APBA1: variants seen among roughly 807,000 people sequenced by gnomAD.
APBA1 encodes the protein amyloid beta precursor protein binding family A member 1.
In APBA1, 55 loss-of-function variants were observed where a neutral mutation model predicts 86.6. The ratio of observed to expected loss-of-function variants is 0.64; its 90% CI spans 0.51 to 0.80. The LOEUF (loss-of-function observed/expected upper bound fraction) is 0.80, where lower values mean the gene tolerates loss of function less well. Ranked by LOEUF, APBA1 falls within the 30% of genes least tolerant of loss-of-function variation. The pLI is 0.00. For missense variants in APBA1, 1,090 were observed against 1,183.0 expected (o/e 0.92, Z 1.15); for synonymous variants, 511 against 493.9 (o/e 1.03, Z -0.46).
chr9:69,604,761 C>T (rs73647261), intron 1 of APBA1, among the ~76,000 whole-genome samples: 12,941 of 104,334 alleles, frequency 0.12, 1,312 homozygotes, highest in African/African-American at 0.3. Flanking sequence ...TGAGGGTAAG[C>T]GGAGAAGCAC....
At chr9:69,470,265 T>C (rs1287246748) in intron 4 of APBA1, among the ~76,000 whole-genome samples, 1 of 152,298 alleles carries the variant, frequency 6.6e-6, no homozygotes, top group Non-Finnish European at 1.5e-5. Flanking sequence ...TCTTACAAAG[T>C]TAAAAAAAAT....
Position 69,657,988 on chromosome 9 carries a change from T to C in APBA1, c.-70+14165A>G, listed in dbSNP as rs574519982. On this transcript the variant is annotated intron_variant, in intron 1 of 12. Transcript: ENST00000265381. Reference sequence around the variant, plus strand: ...CTGTAGAACCCCAGGGATGCAGGCCTACCAAAGGATGGGGTGGAGAAGGCT... The same window carrying C: ...CTGTAGAACCCCAGGGATGCAGGCCCACCAAAGGATGGGGTGGAGAAGGCT... Among the ~76,000 whole-genome samples the C allele has an allele frequency of 4.6e-5, 7 of 152,296 alleles. No homozygotes were observed. The South Asian group carries it at 1.2e-3, about 27-fold the overall frequency.
chr9:69,631,119 C>T (rs1456059460), intron 1 of APBA1, among the ~76,000 whole-genome samples: 2 of 152,188 alleles, frequency 1.3e-5, no homozygotes, highest in Non-Finnish European at 2.9e-5. Context: ...TTGGTAGATG[C>T]TACTCTGCTG....
chr9:69,668,272 C>T (rs972890373), intron 1 of APBA1, among the ~76,000 whole-genome samples: 4 of 152,102 alleles, frequency 2.6e-5, no homozygotes, highest in African/African-American at 9.7e-5. Flanking sequence ...AACTTCTCTC[C>T]TCTTCCTTAT....
intron 11 of APBA1, among the ~76,000 whole-genome samples, chr9:69,434,381 C>T (rs1267171722): frequency 6.6e-6 from 1 of 151,914 alleles, no homozygotes; most frequent in Non-Finnish European, 1.5e-5. Context: ...CATACTCTTT[C>T]TTGATGGATT....
At chr9:69,458,692 T>C (rs191874229) in intron 5 of APBA1, among the ~76,000 whole-genome samples, 68 of 152,344 alleles carry the variant, frequency 4.5e-4, no homozygotes, top group East Asian at 1.3e-3. Flanking sequence ...AATTTAATCA[T>C]TGTTCCGTTA....
intron 1 of APBA1, among the ~76,000 whole-genome samples, chr9:69,627,332 T>C (rs888482165): frequency 1.8e-4 from 27 of 152,162 alleles, no homozygotes; most frequent in African/African-American, 6.3e-4. Flanking sequence ...TCTCCTTCTC[T>C]CTCTCAGTCA....
intron 5 of APBA1, among the ~76,000 whole-genome samples, chr9:69,466,513 C>T (rs1281548814): frequency 6.6e-6 from 1 of 152,168 alleles, no homozygotes; most frequent in Non-Finnish European, 1.5e-5. Context: ...TGCAGGCTTC[C>T]CCTGCACTCT....
chr9:69,466,169 G>C (rs1835276277), intron 5 of APBA1, among the ~76,000 whole-genome samples: 1 of 152,150 alleles, frequency 6.6e-6, no homozygotes, highest in Non-Finnish European at 1.5e-5. Flanking sequence ...GGTCAGATCA[G>C]TGGGTGACAC....
At position 69,516,204 on chromosome 9, in the gene APBA1, T is replaced by C; in HGVS notation, c.1007A>G (p.Gln336Arg). 3 of 1,528,448 alleles carry C rather than the reference T, an allele frequency of 2.0e-6. No individual in the cohort carries two copies. The highest frequency in any genetic ancestry group is 2.6e-6 in the Non-Finnish European group (3 of 1,136,568). 94.7% of individuals were successfully genotyped at this position (1,528,448 alleles called of 1,614,324 possible). ...ATCGCGCTTCTCCTTGCTGTACCGC[T>C]GCCCCGCCTCGCCGCCGCCCGCGGG... ...VGPAGGGEAGQRYSKEKRDAI... is the reference protein window; with the variant it reads ...VGPAGGGEAGRRYSKEKRDAI... The change falls in exon 2 of 13, where the codon CAG becomes CGG. Residue 336 changes from glutamine (Q) to arginine (R), a missense_variant. Transcript: ENST00000265381. This position sits in a 1 kb window ranked among gnomAD's most constrained non-coding sequence, Gnocchi z 7.3.
intron 3 of APBA1, among the ~76,000 whole-genome samples, chr9:69,473,246 T>C (rs780164032): frequency 2.0e-4 from 30 of 152,230 alleles, no homozygotes; most frequent in Non-Finnish European, 3.8e-4. Flanking sequence ...AGTGAGAAGA[T>C]AGGCCCAGTT....
intron 1 of APBA1, among the ~76,000 whole-genome samples, chr9:69,587,998 C>G: frequency 6.8e-6 from 1 of 146,350 alleles, no homozygotes; most frequent in East Asian, 2.0e-4. Context: ...CGTACTGCAG[C>G]CTGGGTGACA....
Position 69,468,075 on chromosome 9 carries a change from G to C in APBA1, c.1337-107C>G, listed in dbSNP as rs530717105. On this transcript the variant is annotated intron_variant, in intron 4 of 12. Transcript: ENST00000265381. The stretch of plus-strand genomic sequence containing the variant: ...CATGCCTCACTGCTGGCACAGGTGA[G>C]GCAGAGCCAACCTGCTGGTCTGAGG... 76 of 1,385,102 alleles carry C rather than the reference G, an allele frequency of 5.5e-5. No homozygotes were observed. In the African/African-American group the frequency reaches 8.8e-4, roughly 16 times the overall value. 85.8% of individuals were successfully genotyped at this position (1,385,102 alleles called of 1,614,324 possible). A position where few individuals can be genotyped will look rare whatever the true frequency, so the allele number is the denominator to read the frequency against.
In APBA1 at chr9:69,577,309, T is replaced by C. The variant is rs571088829; in HGVS notation, c.-69-60030A>G. On this transcript the variant is annotated intron_variant, in intron 1 of 12. Coordinates refer to ENST00000265381, the MANE Select transcript of APBA1 (RefSeq NM_001163.4). The stretch of plus-strand genomic sequence containing the variant: ...GAAGAAAATATTGAGTCATCATGAG[T>C]AGACAGGGTGCATAGACATGGCAAC... Among the ~76,000 whole-genome samples the C allele has an allele frequency of 3.3e-5, 5 of 152,240 alleles. No homozygotes were observed. The South Asian group carries it at 1.0e-3, about 32-fold the overall frequency.
At chr9:69,534,541 A>G (rs1048119336) in intron 1 of APBA1, among the ~76,000 whole-genome samples, 2 of 152,228 alleles carry the variant, frequency 1.3e-5, no homozygotes, top group Non-Finnish European at 1.5e-5. Context: ...TGTTCCAACC[A>G]GAAATGACCT....
intron 1 of APBA1, among the ~76,000 whole-genome samples, chr9:69,656,839 CTTTTTT>C: frequency 7.4e-6 from 1 of 134,736 alleles, no homozygotes; most frequent in East Asian, 2.2e-4. Flanking sequence ...ACCGGGAGAT[CTTTTTT>C]TTTTTTTTTT....
At chr9:69,561,116 G>C (rs935849002) in intron 1 of APBA1, among the ~76,000 whole-genome samples, 2 of 152,134 alleles carry the variant, frequency 1.3e-5, no homozygotes, top group East Asian at 3.8e-4. Context: ...ATTTTCCAGG[G>C]TTTGGTGAAA....
chr9:69,451,931 G>A (rs1360283635), intron 9 of APBA1, among the ~76,000 whole-genome samples, 191 bp downstream of exon 9: 2 of 152,196 alleles, frequency 1.3e-5, no homozygotes, highest in Admixed American at 1.3e-4. Flanking sequence ...GTTTACACCT[G>A]TCCACAATAG....
chr9:69,455,137 C>T (rs1011192095), intron 8 of APBA1, among the ~76,000 whole-genome samples: 2 of 152,092 alleles, frequency 1.3e-5, no homozygotes, highest in Non-Finnish European at 2.9e-5. Context: ...TGCAGCTAGA[C>T]GAATGCTGTA....
Sources: allele counts gnomAD v4.1 joint callset (sites outside exome capture counted in the v4.1 genomes callset), GRCh38; gene constraint gnomAD v4.1.1; non-coding constraint Gnocchi (gnomAD v3.1); transcripts MANE v1.5; gene names NCBI Gene and HGNC (gene_info 2026-07-23, HGNC 2026-07-21).